Variants in F5 observed in about 807,000 individuals in gnomAD.
The protein encoded by F5 is coagulation factor V.
In F5, 138 loss-of-function variants were observed where a neutral mutation model predicts 216.4. The ratio of observed to expected loss-of-function variants is 0.64; its 90% CI spans 0.56 to 0.73. The LOEUF is 0.73. Ranked by LOEUF, F5 falls within the 30% of genes least tolerant of loss-of-function variation. The pLI is 0.00. For synonymous variants in F5, 916 were observed against 930.7 expected (o/e 0.98, Z 0.29); for missense variants, 2,403 against 2,674.0 (o/e 0.90, Z 2.24).
chr1:169,535,409 C>T (rs1659681367), intron 14 of F5, among the ~76,000 whole-genome samples: 2 of 152,056 alleles, frequency 1.3e-5, no homozygotes, highest in South Asian at 4.1e-4. Flanking sequence ...ACTTCAGTTG[C>T]TTTAGGAATG....
At chr1:169,551,917 G>A (rs1463750652) in intron 8 of F5, among the ~76,000 whole-genome samples, 1 of 152,162 alleles carries the variant, frequency 6.6e-6, no homozygotes, top group African/African-American at 2.4e-5. Flanking sequence ...AACCATTAGA[G>A]AGCTGCATAC....
rs767869864 is a variant in F5 at position 169,529,766 on chromosome 1, C to T, written c.5261G>A (p.Gly1754Glu). 7.4e-6 allele frequency: 12 copies of T among 1,613,580 alleles called. No homozygotes were observed. The highest frequency in any genetic ancestry group is 2.2e-5 in the South Asian group (2 of 91,050). Residue 1754 changes from glycine to glutamate, a missense_variant, in exon 16 of 25, where the codon GGA becomes GAA. Physicochemically the swap from Gly to Glu is moderately conservative, Grantham distance 98. This residue lies in a region of F5 where 659 missense variants were observed against 787.9 expected (regional missense o/e 0.84). Transcript: ENST00000367797. ...LIGPLLICQKGILHKDSNMPM... is the reference protein window; with the variant it reads ...LIGPLLICQKEILHKDSNMPM... ...CATGTTGCTGTCCTTATGTAGTATTCCTTTTTGGCAGATTAGGAGGGGACC... is the reference window on the plus strand; with the variant it reads ...CATGTTGCTGTCCTTATGTAGTATTTCTTTTTGGCAGATTAGGAGGGGACC...
chr1:169,543,981 T>G, intron 12 of F5, among the ~76,000 whole-genome samples: 1 of 152,236 alleles, frequency 6.6e-6, no homozygotes, highest in East Asian at 1.9e-4. Context: ...TAGGGCATTT[T>G]GATAAAAGAA....
chr1:169,534,844 G>A (rs1036047073), intron 14 of F5, among the ~76,000 whole-genome samples: 2 of 152,054 alleles, frequency 1.3e-5, no homozygotes, highest in African/African-American at 2.4e-5. Context: ...GGAATACTAC[G>A]CAGCCATAAC....
chr1:169,522,886 G>A (rs1205406415), intron 21 of F5, among the ~76,000 whole-genome samples: 10 of 152,170 alleles, frequency 6.6e-5, no homozygotes, highest in East Asian at 1.9e-4. Flanking sequence ...TCCTTGAGGC[G>A]CAAGACCAGA....
Position 169,556,742 on chromosome 1 carries a change from T to C in F5, c.856A>G (p.Ile286Val). 2 of 1,614,162 alleles carry C rather than the reference T, an allele frequency of 1.2e-6. No homozygotes were observed. The change falls in exon 6 of 25, where the codon ATC (isoleucine) becomes GTC (valine). Residue 286 changes from isoleucine to valine, a missense_variant. Physicochemically the swap from Ile to Val is conservative, Grantham distance 29. Transcript: ENST00000367797. ...LEQNHHKVSA[I>V]TLVSATSTTA... ...GTGGATGTAGCACTGACAAGGGTGA[T>C]GGCTGAGACCTTATGATGGTTCTGC...
intron 3 of F5, among the ~76,000 whole-genome samples, chr1:169,566,677 T>C (rs1452079623): frequency 6.6e-6 from 1 of 152,038 alleles, no homozygotes; most frequent in Non-Finnish European, 1.5e-5. Context: ...TTGAAGTCCC[T>C]TTAACCTCAG....
chr1:169,542,372 G>A lies in F5; in HGVS notation c.2718C>T (p.Pro906=). ...TGTCTTGGCTAGGAAGGTCCTCCCA[G>A]GGCCTCATTCCGGAAGGAGAACCAG... The part of the protein sequence containing the change: ...QDTGSPSGMR[P]WEDLPSQDTG... The change falls in exon 13 of 25, where the codon CCC becomes CCT. Residue 906 remains proline (P), a synonymous_variant. Transcript: ENST00000367797. 2 of 1,614,058 alleles carry A rather than the reference G, an allele frequency of 1.2e-6. No homozygotes were observed. Among genetic ancestry groups the A allele is most frequent in the Non-Finnish European group, 1.7e-6 (2 of 1,179,962 alleles).
chr1:169,556,621 C>G lies in F5; in HGVS notation c.952+25G>C, dbSNP rs762788380. The G allele has an allele frequency of 3.7e-6, 6 of 1,610,634 alleles. No homozygotes were observed. The Admixed American group carries it at 8.3e-5, about 22-fold the overall frequency. On this transcript the variant is annotated intron_variant, in intron 6 of 24. Transcript: ENST00000367797. ...GAAGAAAGGATTCTGCATTGAGAAGCAAGACTGTCAGGAGAGTTTCTTGCC... is the reference window on the plus strand; with the variant it reads ...GAAGAAAGGATTCTGCATTGAGAAGGAAGACTGTCAGGAGAGTTTCTTGCC...
At chr1:169,530,082 T>C (rs544111776) in intron 15 of F5, among the ~76,000 whole-genome samples, 32 of 152,314 alleles carry the variant, frequency 2.1e-4, no homozygotes, top group Admixed American at 7.2e-4. Context: ...TTATTGAGAA[T>C]CTATTACTAT....
chr1:169,556,976 T>G, intron 5 of F5, 109 bp from the exon 6 acceptor site: 1 of 986,716 alleles, frequency 1.0e-6, no homozygotes. Flanking sequence ...TCAGGCATTG[T>G]ATAAAGCTTT....
At chr1:169,547,426 T>A (rs997420379) in intron 10 of F5, among the ~76,000 whole-genome samples, 1 of 151,474 alleles carries the variant, frequency 6.6e-6, no homozygotes, top group African/African-American at 2.4e-5. Flanking sequence ...TGGGAGAAAA[T>A]TTTTGCAAAC....
intron 3 of F5, among the ~76,000 whole-genome samples, chr1:169,564,607 G>T (rs724508): frequency 0.27 from 41,585 of 151,850 alleles, 6,040 homozygotes; most frequent in South Asian, 0.36. Context: ...GGGTAAATCT[G>T]GTTCCTTATG....
intron 22 of F5, among the ~76,000 whole-genome samples, chr1:169,519,970 A>G (rs992876122): frequency 2.6e-5 from 4 of 152,224 alleles, no homozygotes; most frequent in African/African-American, 9.6e-5. Flanking sequence ...TATTTATACC[A>G]CAGGTCACAT....
chr1:169,540,757 T>C lies in F5; in HGVS notation c.4333A>G (p.Thr1445Ala), dbSNP rs200204656. ...QVTLSPDISD[T>A]TLLPDLSQIS... ...TGGCTGAGATCCGGGAGAAGGGTGG[T>C]GTCACTGATGTCTGGAGAGAGAGTC... is the stretch of plus-strand genomic sequence containing the variant. The change falls in exon 13 of 25, where the codon ACC becomes GCC. Residue 1445 changes from threonine (T) to alanine (A), a missense_variant. By Grantham distance (58) the Thr-to-Ala change is moderately conservative (BLOSUM62 0). Around this residue, in one of 4 missense-constraint regions of F5, gnomAD observed 293 missense variants for 270.8 expected, o/e 1.08. Transcript: ENST00000367797. 8.4e-5 allele frequency: 135 copies of C among 1,613,890 alleles called. No individual in the cohort carries two copies. Among genetic ancestry groups the C allele is most frequent in the Admixed American group, 5.0e-4 (30 of 59,968 alleles).
At chr1:169,537,491 A>T (rs1301916091) in intron 13 of F5, among the ~76,000 whole-genome samples, 3 of 152,194 alleles carry the variant, frequency 2.0e-5, no homozygotes, top group Non-Finnish European at 4.4e-5. Flanking sequence ...GACAAATGGG[A>T]TTGCCATCAA....
intron 2 of F5, among the ~76,000 whole-genome samples, chr1:169,572,976 C>T (rs912804053): frequency 2.0e-5 from 3 of 150,664 alleles, no homozygotes; most frequent in African/African-American, 7.3e-5. Flanking sequence ...GATGGAGTCT[C>T]GCTCTGTCTC....
chr1:169,527,592 G>A (rs1659489083), intron 17 of F5, among the ~76,000 whole-genome samples: 1 of 152,120 alleles, frequency 6.6e-6, no homozygotes, highest in African/African-American at 2.4e-5. Flanking sequence ...GTAGCTGCCT[G>A]AGCCCTGTGG....
chr1:169,538,540 A>G lies in F5; in HGVS notation c.4796+1754T>C, dbSNP rs556866240. The stretch of plus-strand genomic sequence containing the variant: ...GCTTGATTTAGCCAATTCACAATTT[A>G]TAAATATATTAAAACATCATGTTTA... On this transcript the variant is annotated intron_variant, in intron 13 of 24. Transcript: ENST00000367797. Among the ~76,000 whole-genome samples, 7 of 152,326 alleles carry G rather than the reference A, an allele frequency of 4.6e-5. No homozygotes were observed. The East Asian group carries it at 1.2e-3, about 25-fold the overall frequency.
Sources: allele counts gnomAD v4.1 joint callset (sites outside exome capture counted in the v4.1 genomes callset), GRCh38; gene constraint gnomAD v4.1.1; regional missense constraint gnomAD v4.1.1; transcripts MANE v1.5; gene names NCBI Gene and HGNC (gene_info 2026-07-23, HGNC 2026-07-21).